TTLL11: variants seen among roughly 807,000 people sequenced by gnomAD.
The protein encoded by TTLL11 is tubulin tyrosine ligase like 11.
Under a neutral mutation model 51.7 loss-of-function variants are expected in TTLL11, and 42 were observed. That is an observed-to-expected ratio of 0.81 (90% confidence interval 0.64 to 1.05). TTLL11 has a LOEUF of 1.05. Ranked by LOEUF, TTLL11 falls within the 50% of genes least tolerant of loss-of-function variation. The probability of loss-of-function intolerance (pLI) is 0.00; values close to 1 mark genes in which losing one functional copy is unlikely to be tolerated. For synonymous variants in TTLL11, 381 were observed against 383.5 expected (o/e 0.99, Z 0.08); for missense variants, 799 against 940.4 (o/e 0.85, Z 1.97).
chr9:121,821,705 C>T lies in TTLL11; in HGVS notation c.*882G>A, dbSNP rs754460763. The stretch of plus-strand genomic sequence containing the variant: ...ACCAGGTCTGACATACACTACTCCT[C>T]TTGCTCTGGTTCTTATCCATGTCTG... On this transcript the variant is annotated 3_prime_UTR_variant, in exon 9 of 9. Transcript: ENST00000321582. This position sits in a 1 kb window ranked among gnomAD's most constrained non-coding sequence, Gnocchi z 5.0. 1.3e-5 allele frequency among the ~76,000 whole-genome samples: 2 copies of T among 152,160 alleles called. No individual in the cohort carries two copies. The highest frequency in any genetic ancestry group is 2.9e-5 in the Non-Finnish European group (2 of 68,034).
chr9:121,828,961 A>AT (rs533752030), intron 8 of TTLL11, among the ~76,000 whole-genome samples: 5,566 of 143,082 alleles, frequency 0.039, 186 homozygotes, highest in African/African-American at 0.085. Flanking sequence ...AAGACCCTGT[A>AT]TTTTTTTTTT....
chr9:122,032,005 G>A lies in TTLL11; in HGVS notation c.560-149C>T, dbSNP rs772339394. The stretch of plus-strand genomic sequence containing the variant: ...AAAGGTCTGAGTTGTTCCCCACAGC[G>A]GTGACTCATGGTTTGGAAAGAACTA... On this transcript the variant is annotated intron_variant, in intron 2 of 8. Coordinates refer to ENST00000321582, the MANE Select transcript of TTLL11 (RefSeq NM_001139442.2). 90 of 1,054,644 alleles carry A rather than the reference G, an allele frequency of 8.5e-5. No homozygotes were observed. In the East Asian group the frequency reaches 1.4e-3, roughly 16 times the overall value. The allele number at this position is 1,054,644 out of a possible 1,614,324, so 65.3% of individuals were successfully genotyped here.
chr9:122,090,172 T>C (rs968693367), intron 1 of TTLL11, among the ~76,000 whole-genome samples: 2 of 152,140 alleles, frequency 1.3e-5, no homozygotes, highest in Non-Finnish European at 2.9e-5. Context: ...ACATTACCAT[T>C]ATGCGGCTAC....
rs563685796 is a variant in TTLL11, at chr9:122,089,683, T to A, written c.462+3004A>T. ...CTGTGCATTAGGGACATAAGTCAGA[T>A]ACCACCCCTGCCCTCAGGACTTCAT... On this transcript the variant is annotated intron_variant, in intron 1 of 8. Coordinates refer to ENST00000321582, the MANE Select transcript of TTLL11 (RefSeq NM_001139442.2). Among the ~76,000 whole-genome samples the A allele has an allele frequency of 2.0e-5, 3 of 152,338 alleles. No individual in the cohort carries two copies. The East Asian group carries it at 5.8e-4, about 29-fold the overall frequency.
intron 4 of TTLL11, among the ~76,000 whole-genome samples, chr9:121,977,712 T>C (rs1298776255): frequency 6.6e-6 from 1 of 151,956 alleles, no homozygotes; most frequent in African/African-American, 2.4e-5. Context: ...TTCTCTCTTG[T>C]TGCCCAGGCT....
intron 6 of TTLL11, among the ~76,000 whole-genome samples, chr9:121,911,217 A>C (rs1342366229): frequency 6.6e-6 from 1 of 152,116 alleles, no homozygotes; most frequent in Non-Finnish European, 1.5e-5. Flanking sequence ...CCAACACAGC[A>C]AAATTCTGTC....
Position 121,989,376 on chromosome 9 carries a change from CCA to C in TTLL11, c.1086_1087del (p.Gly363GlnfsTer11). ...GATGCTGGAAAAAGTCCTTTTGCTG[CCA>C]GTGCTAGCACTGTCCGAGTGGATGA... is the stretch of plus-strand genomic sequence containing the variant. On this transcript the variant is annotated frameshift_variant, in exon 4 of 9. Transcript: ENST00000321582. LOFTEE classifies it high-confidence loss of function. The surrounding 1 kb of genome is among the most constrained non-coding windows in gnomAD (Gnocchi z 4.2). 6.2e-7 allele frequency: 1 copy of C among 1,614,128 alleles called. No individual in the cohort carries two copies. The highest frequency in any genetic ancestry group is 8.5e-7 in the Non-Finnish European group (1 of 1,180,020).
chr9:121,819,704 C>T lies in TTLL11; in HGVS notation c.*2883G>A, dbSNP rs1241413962. On this transcript the variant is annotated 3_prime_UTR_variant, in exon 9 of 9. Transcript: ENST00000321582. ...ATCCTGCAGCAAAGCACAGGGGCTGCCCAGCTATGTGTGCCGTGCCTCTGG... is the reference window on the plus strand; with the variant it reads ...ATCCTGCAGCAAAGCACAGGGGCTGTCCAGCTATGTGTGCCGTGCCTCTGG... Among the ~76,000 whole-genome samples, 11 of 152,090 alleles carry T rather than the reference C, an allele frequency of 7.2e-5. No homozygotes were observed. Among genetic ancestry groups the T allele is most frequent in the African/African-American group, 2.7e-4 (11 of 41,410 alleles).
intron 6 of TTLL11, among the ~76,000 whole-genome samples, chr9:121,973,393 T>C (rs1300203760): frequency 6.6e-6 from 1 of 152,200 alleles, no homozygotes; most frequent in Non-Finnish European, 1.5e-5. Flanking sequence ...TCTCCTGCAT[T>C]TTATTGTACT....
chr9:122,054,301 T>C (rs1845237581), intron 1 of TTLL11, among the ~76,000 whole-genome samples: 1 of 151,960 alleles, frequency 6.6e-6, no homozygotes, highest in Non-Finnish European at 1.5e-5. Flanking sequence ...AAAAAACCCA[T>C]TAGTAGGAGG....
intron 6 of TTLL11, among the ~76,000 whole-genome samples, chr9:121,874,200 G>A (rs779659732): frequency 3.0e-4 from 46 of 151,904 alleles, no homozygotes; most frequent in Non-Finnish European, 6.6e-4. Flanking sequence ...ATAAGGTCTC[G>A]CTACATTGAT....
rs140699368 is a variant in TTLL11, at chr9:121,940,195, A to T, written c.1481+33814T>A. Among the ~76,000 whole-genome samples the T allele has an allele frequency of 4.7e-3, 717 of 152,188 alleles. 4 individuals are homozygous for T. The highest frequency in any genetic ancestry group is 9.5e-3 in the South Asian group (46 of 4,822). On this transcript the variant is annotated intron_variant, in intron 6 of 8. Transcript: ENST00000321582. ...GTAATAGCTGTGTTATATTTTTTGAATCTTGTTTGATTCATAGTCATAAAT... is the reference window on the plus strand; with the variant it reads ...GTAATAGCTGTGTTATATTTTTTGATTCTTGTTTGATTCATAGTCATAAAT...
At chr9:121,831,554 G>A (rs1837012308) in intron 8 of TTLL11, among the ~76,000 whole-genome samples, 1 of 152,078 alleles carries the variant, frequency 6.6e-6, no homozygotes, top group African/African-American at 2.4e-5. Flanking sequence ...CAAAAAATTA[G>A]CCAGACATGG....
At chr9:121,934,995 C>G (rs962484243) in intron 6 of TTLL11, among the ~76,000 whole-genome samples, 1 of 152,098 alleles carries the variant, frequency 6.6e-6, no homozygotes, top group Non-Finnish European at 1.5e-5. Flanking sequence ...AGCTCTGTCA[C>G]CCAGGCTGCA....
chr9:121,865,795 G>A (rs1279191007), intron 7 of TTLL11, among the ~76,000 whole-genome samples: 1 of 152,166 alleles, frequency 6.6e-6, no homozygotes, highest in Non-Finnish European at 1.5e-5. Flanking sequence ...TCCTGAGGAA[G>A]TGACATGAAA....
intron 6 of TTLL11, among the ~76,000 whole-genome samples, chr9:121,973,797 T>C (rs939206359): frequency 4.6e-5 from 7 of 152,162 alleles, no homozygotes; most frequent in African/African-American, 1.7e-4. Context: ...CAGAAATTCA[T>C]CAACGGAAGC....
chr9:121,896,061 T>C (rs1588106272), intron 6 of TTLL11, among the ~76,000 whole-genome samples: 1 of 149,742 alleles, frequency 6.7e-6, no homozygotes, highest in East Asian at 2.0e-4. Context: ...TGTGGCTGTG[T>C]GTCATTGTAT....
At chr9:122,072,286 T>C (rs1441531226) in intron 1 of TTLL11, among the ~76,000 whole-genome samples, 1 of 152,198 alleles carries the variant, frequency 6.6e-6, no homozygotes, top group Non-Finnish European at 1.5e-5. Flanking sequence ...ACTTGGCTCC[T>C]GCATACCTCT....
intron 6 of TTLL11, among the ~76,000 whole-genome samples, chr9:121,950,770 T>G (rs1418125716): frequency 1.3e-5 from 2 of 152,144 alleles, no homozygotes; most frequent in Non-Finnish European, 2.9e-5. Context: ...CCCTCCAGGC[T>G]TTGAGGAGCT....
Sources: allele counts gnomAD v4.1 joint callset (sites outside exome capture counted in the v4.1 genomes callset), GRCh38; gene constraint gnomAD v4.1.1; non-coding constraint Gnocchi (gnomAD v3.1); transcripts MANE v1.5; gene names NCBI Gene and HGNC (gene_info 2026-07-23, HGNC 2026-07-21).